HAP1: variants seen among roughly 807,000 people sequenced by gnomAD.
HAP1 encodes the protein huntingtin-associated protein 1.
Under a neutral mutation model 60.3 loss-of-function variants are expected in HAP1, and 59 were observed. The ratio of observed to expected loss-of-function variants is 0.98; its 90% CI spans 0.79 to 1.22. The LOEUF is 1.22. Ranked by LOEUF, HAP1 falls within the 50% of genes most tolerant of loss-of-function variation. HAP1 has a pLI of 0.00. For synonymous variants in HAP1, 346 were observed against 330.6 expected (o/e 1.05, Z -0.50); for missense variants, 825 against 785.3 (o/e 1.05, Z -0.60).
At position 41,734,643 on chromosome 17, in the gene HAP1, T is replaced by C. The variant is rs115220793; in HGVS notation, c.-9A>G. 1.5e-5 allele frequency: 22 copies of C among 1,469,134 alleles called. No homozygotes were observed. The highest frequency in any genetic ancestry group is 7.0e-5 in the Admixed American group (3 of 42,780). 91.0% of individuals were successfully genotyped at this position (1,469,134 alleles called of 1,614,324 possible). ...AACCTCTTCGGGCGCATCTCGAGTC[T>C]GCCGTCCGCTGCTGCGGCGGGACCT... On this transcript the variant is annotated 5_prime_UTR_variant, in exon 1 of 11. Transcript: ENST00000347901.
At chr17:41,728,466 CCTCA>C in intron 6 of HAP1, 135 bp from the exon 7 acceptor site, 2 of 709,438 alleles carry the variant, frequency 2.8e-6, no homozygotes, top group Non-Finnish European at 4.6e-6. Context: ...GCTTTGCATT[CCTCA>C]CTCAGGTCTT....
rs782374979 is a variant in HAP1, at chr17:41,734,552, G to A, written c.83C>T (p.Ser28Leu). The A allele has an allele frequency of 1.9e-6, 3 of 1,609,044 alleles. No individual in the cohort carries two copies. Among genetic ancestry groups the A allele is most frequent in the Middle Eastern group, 3.4e-4 (2 of 5,890 alleles). The change falls in exon 1 of 11, where the codon TCG (serine) becomes TTG (leucine). Residue 28 changes from serine (S) to leucine (L), a missense_variant. Ser to Leu is a moderately radical substitution (Grantham distance 145, BLOSUM62 -2). Transcript: ENST00000347901. Reference protein sequence around the residue: ...GDPAALTCAPSPSASPAPEPS... With the variant: ...GDPAALTCAPLPSASPAPEPS... ...CTCCGGAGCGGGACTGGCTGAGGGC[G>A]AAGGTGCACAGGTGAGTGCTGCTGG...
chr17:41,734,611 C>A lies in HAP1; in HGVS notation c.24G>T (p.Arg8=), dbSNP rs912345753. Reference sequence around the variant, plus strand: ...GTCCGAGCCGGCTCCCCGCGCAGCACCGGCCCAACCTCTTCGGGCGCATCT... The same window carrying A: ...GTCCGAGCCGGCTCCCCGCGCAGCAACGGCCCAACCTCTTCGGGCGCATCT... The part of the protein sequence containing the change: MRPKRLG[R]CCAGSRLGPG... The change falls in exon 1 of 11, where the codon CGG becomes CGT. Residue 8 remains arginine (R), a synonymous_variant. Transcript: ENST00000347901. 3.9e-6 allele frequency: 6 copies of A among 1,553,586 alleles called. No homozygotes were observed. Among genetic ancestry groups the A allele is most frequent in the African/African-American group, 1.4e-5 (1 of 73,710 alleles).
Position 41,734,232 on chromosome 17 carries a change from A to G in HAP1, c.403T>C (p.Tyr135His), listed in dbSNP as rs782252141. Residue 135 changes from tyrosine (Y) to histidine (H), a missense_variant, in exon 1 of 11, where the codon TAC (tyrosine) becomes CAC (histidine). Physicochemically the swap from Tyr to His is moderately conservative, Grantham distance 83. Coordinates refer to ENST00000347901, the MANE Select transcript of HAP1 (RefSeq NM_177977.3). Reference protein sequence around the residue: ...AAGIWKTPAAYVGRRPGVSGP... With the variant: ...AAGIWKTPAAHVGRRPGVSGP... ...GACACCCCGGGTCGCCGGCCAACGT[A>G]GGCGGCTGGCGTCTTCCAGATGCCC... The G allele has an allele frequency of 1.2e-6, 2 of 1,600,384 alleles. No homozygotes were observed. Among genetic ancestry groups the G allele is most frequent in the Non-Finnish European group, 1.7e-6 (2 of 1,170,522 alleles).
intron 6 of HAP1, among the ~76,000 whole-genome samples, chr17:41,730,706 A>T (rs974603851): frequency 2.6e-5 from 4 of 152,118 alleles, no homozygotes; most frequent in Non-Finnish European, 5.9e-5. Flanking sequence ...TTGCGTTTGC[A>T]TCTCACCAGC....
chr17:41,728,285 G>C lies in HAP1; in HGVS notation c.1116C>G (p.Leu372=). ...QMAELSEVLV[L]RLENYERQQQ... ...GCTGCCGTTCATAGTTTTCCAGCCT[G>C]AGCACCAGCACCTCCGACAGCTCAG... The change falls in exon 7 of 11, where the codon CTC becomes CTG. Residue 372 remains leucine, a synonymous_variant. Transcript: ENST00000347901. 6.2e-7 allele frequency: 1 copy of C among 1,613,648 alleles called. No individual in the cohort carries two copies. Among genetic ancestry groups the C allele is most frequent in the African/African-American group, 1.3e-5 (1 of 75,054 alleles).
At chr17:41,730,315 T>A (rs1045998673) in intron 6 of HAP1, 5 of 151,570 alleles carry the variant, frequency 3.3e-5, no homozygotes, top group Non-Finnish European at 7.3e-5. Flanking sequence ...CGGCATAGTG[T>A]ACTACAGCCC....
intron 4 of HAP1, 97 bp from the exon 5 acceptor site, chr17:41,731,840 C>A (rs1336590530): frequency 1.1e-6 from 1 of 941,000 alleles, no homozygotes; most frequent in Non-Finnish European, 1.7e-6. Flanking sequence ...TTAGTTCCAG[C>A]AACCCTGCCA....
downstream of HAP1, chr17:41,721,177 AATG>A (rs1555586981): frequency 6.6e-6 from 1 of 152,174 alleles, no homozygotes; most frequent in African/African-American, 2.4e-5. Context: ...TAATCTTCTC[AATG>A]ATATTCTTTT....
Position 41,724,848 on chromosome 17 carries a change from G to A in HAP1, c.1713C>T (p.Asp571=). The change falls in exon 11 of 11, where the codon GAC becomes GAT. Residue 571 remains aspartate, a synonymous_variant. Transcript: ENST00000347901. ...EASGLGPSHL[D]MNYVLQQLAN... ...CCAGCTGCTGGAGGACATAATTCAT[G>A]TCCAGGTGTGAAGGGCCCAAGCCGC... 1.2e-6 allele frequency: 2 copies of A among 1,613,588 alleles called. No individual in the cohort carries two copies. Among genetic ancestry groups the A allele is most frequent in the Middle Eastern group, 1.7e-4 (1 of 6,060 alleles).
chr17:41,731,165 C>G (rs542546111), intron 6 of HAP1, among the ~76,000 whole-genome samples: 151 of 152,294 alleles, frequency 9.9e-4, no homozygotes, highest in Non-Finnish European at 1.6e-3. Flanking sequence ...CCGGCCTCAG[C>G]CTCCCAAACT....
In HAP1 at chr17:41,724,755, G is replaced by A. The variant is rs782737816; in HGVS notation, c.1806C>T (p.Pro602=). The A allele has an allele frequency of 6.2e-6, 10 of 1,602,238 alleles. No individual in the cohort carries two copies. The South Asian group carries it at 7.7e-5, about 12-fold the overall frequency. ...RWKMLQKGEC[P]HGALPAASRT... Reference sequence around the variant, plus strand: ...GGCTGGCGGCAGGGAGGGCCCCGTGGGGGCACTCACCTTTCTGGAGCATCT... The same window carrying A: ...GGCTGGCGGCAGGGAGGGCCCCGTGAGGGCACTCACCTTTCTGGAGCATCT... The change falls in exon 11 of 11, where the codon CCC becomes CCT. Residue 602 remains proline (P), a synonymous_variant. Transcript: ENST00000347901.
At position 41,732,076 on chromosome 17, in the gene HAP1, G is replaced by C; in HGVS notation, c.757C>G (p.Leu253Val). 6.2e-7 allele frequency: 1 copy of C among 1,613,062 alleles called. No individual in the cohort carries two copies. The highest frequency in any genetic ancestry group is 1.3e-5 in the African/African-American group (1 of 74,990). The stretch of plus-strand genomic sequence containing the variant: ...TCATCAGAATCTGAGTAGAGCTGGA[G>C]GAGCTCATCCCGCAAGTTCACCTGG... ...RHQVNLRDEL[L>V]QLYSDSDEED... The change falls in exon 4 of 11, where the codon CTC becomes GTC. Residue 253 changes from leucine to valine, a missense_variant. Leu to Val is a conservative substitution (Grantham distance 32). Transcript: ENST00000347901.
rs369101954 is a variant in HAP1 at position 41,734,414 on chromosome 17, G to A, written c.221C>T (p.Ala74Val). 10 of 1,607,918 alleles carry A rather than the reference G, an allele frequency of 6.2e-6. No homozygotes were observed. The highest frequency in any genetic ancestry group is 3.3e-4 in the Middle Eastern group (2 of 6,038). ...GCGCCGGGCTCCTGCCTTGGCTCCAGCCTCCGAGGCCGGGCGAGCTCCGGT... is the reference window on the plus strand; with the variant it reads ...GCGCCGGGCTCCTGCCTTGGCTCCAACCTCCGAGGCCGGGCGAGCTCCGGT... ...ARTGARPASE[A>V]GAKAGARRPS... The change falls in exon 1 of 11, where the codon GCT becomes GTT. Residue 74 changes from alanine to valine, a missense_variant. Coordinates refer to ENST00000347901, the MANE Select transcript of HAP1 (RefSeq NM_177977.3).
At position 41,734,598 on chromosome 17, in the gene HAP1, T is replaced by C; in HGVS notation, c.37A>G (p.Ser13Gly). ...PKRLGRCCAGSRLGPGDPAAL... is the reference protein window; with the variant it reads ...PKRLGRCCAGGRLGPGDPAAL... ...GCTGGGTCCCCGGGTCCGAGCCGGC[T>C]CCCCGCGCAGCACCGGCCCAACCTC... Residue 13 changes from serine (S) to glycine (G), a missense_variant, in exon 1 of 11, where the codon AGC becomes GGC. Physicochemically the swap from Ser to Gly is moderately conservative, Grantham distance 56. Transcript: ENST00000347901. The C allele has an allele frequency of 6.4e-7, 1 of 1,571,994 alleles. No individual in the cohort carries two copies. Among genetic ancestry groups the C allele is most frequent in the Non-Finnish European group, 8.6e-7 (1 of 1,160,376 alleles).
chr17:41,719,765 AC>A (rs1271725875), downstream of HAP1, among the ~76,000 whole-genome samples: 1 of 152,170 alleles, frequency 6.6e-6, no homozygotes, highest in Non-Finnish European at 1.5e-5. Context: ...TGCAACCACT[AC>A]CAAAAAGTGT....
downstream of HAP1, chr17:41,721,889 T>C (rs1187172463): frequency 6.9e-6 from 1 of 144,746 alleles, no homozygotes; most frequent in Non-Finnish European, 1.5e-5. Flanking sequence ...TATTTTCTTG[T>C]GTTTTCAAAT....
In HAP1 at chr17:41,724,628, A is replaced by G. The variant is rs1359353152; in HGVS notation, c.*73T>C. ...TCTATGCAAATGATATGCAAAGTCCATGCAAATAAGCACAGCAGGTAGAGC... is the reference window on the plus strand; with the variant it reads ...TCTATGCAAATGATATGCAAAGTCCGTGCAAATAAGCACAGCAGGTAGAGC... On this transcript the variant is annotated 3_prime_UTR_variant, in exon 11 of 11. Transcript: ENST00000347901. 2 of 1,096,794 alleles carry G rather than the reference A, an allele frequency of 1.8e-6. No homozygotes were observed. The highest frequency in any genetic ancestry group is 3.1e-5 in the African/African-American group (2 of 64,054). 67.9% of individuals were successfully genotyped at this position (1,096,794 alleles called of 1,614,324 possible). A position where few individuals can be genotyped will look rare whatever the true frequency, so the allele number is the denominator to read the frequency against.
chr17:41,728,372 C>T, intron 6 of HAP1, 41 bp from the exon 7 acceptor site: 2 of 1,600,766 alleles, frequency 1.2e-6, no homozygotes, highest in Non-Finnish European at 1.7e-6. Flanking sequence ...GCTCCCCTGG[C>T]CTTCAGGGAC....
Sources: allele counts gnomAD v4.1 joint callset (sites outside exome capture counted in the v4.1 genomes callset), GRCh38; gene constraint gnomAD v4.1.1; transcripts MANE v1.5; gene names NCBI Gene and HGNC (gene_info 2026-07-23, HGNC 2026-07-21).